The following PCDH7 variants were observed in gnomAD, a reference collection of about 807,000 sequenced individuals.
PCDH7 encodes protocadherin-7.
A neutral mutation model predicts 58.9 loss-of-function variants in PCDH7; 17 were observed. The observed-to-expected ratio is 0.29, with a 90% confidence interval of 0.20 to 0.43. The LOEUF is 0.43. Ranked by LOEUF, PCDH7 falls within the 20% of genes least tolerant of loss-of-function variation. PCDH7 has a pLI of 1.00. For missense variants in PCDH7, 1,274 were observed against 1,441.0 expected (o/e 0.88, Z 1.88); for synonymous variants, 664 against 616.4 (o/e 1.08, Z -1.14).
chr4:30,759,229 A>C (rs532241999), intron 1 of PCDH7, among the ~76,000 whole-genome samples: 25 of 152,266 alleles, frequency 1.6e-4, no homozygotes, highest in African/African-American at 5.5e-4. Flanking sequence ...GGTGTGAGCC[A>C]CTGCGCCTGG....
chr4:30,877,833 T>C (rs572815885), intron 1 of PCDH7, among the ~76,000 whole-genome samples: 129 of 152,300 alleles, frequency 8.5e-4, no homozygotes, highest in Non-Finnish European at 1.4e-3. Flanking sequence ...CCAATTCTTA[T>C]CTGGATATGG....
chr4:30,923,502 A>G (rs909267084), intron 2 of PCDH7, among the ~76,000 whole-genome samples: 4 of 152,170 alleles, frequency 2.6e-5, no homozygotes, highest in Non-Finnish European at 4.4e-5. Flanking sequence ...TCTAAAACAC[A>G]TTACCGCCAA....
At chr4:31,074,365 T>C (rs894194465) in intron 3 of PCDH7, among the ~76,000 whole-genome samples, 6 of 151,926 alleles carry the variant, frequency 3.9e-5, no homozygotes, top group African/African-American at 1.5e-4. Flanking sequence ...AGCATTATTA[T>C]ATACTTATAT....
At chr4:30,952,979 A>T (rs938129179) in intron 3 of PCDH7, among the ~76,000 whole-genome samples, 1 of 152,164 alleles carries the variant, frequency 6.6e-6, no homozygotes, top group Non-Finnish European at 1.5e-5. Context: ...GTATCACCTT[A>T]TATCTGTTTT....
At chr4:30,831,358 C>A (rs1023745914) in intron 1 of PCDH7, among the ~76,000 whole-genome samples, 2 of 152,080 alleles carry the variant, frequency 1.3e-5, no homozygotes, top group African/African-American at 4.8e-5. Context: ...GAATTGGGTT[C>A]AATTCATAGT....
chr4:30,974,689 A>C (rs1286765334), intron 3 of PCDH7, among the ~76,000 whole-genome samples: 4 of 152,170 alleles, frequency 2.6e-5, no homozygotes, highest in Non-Finnish European at 5.9e-5. Context: ...CTCCTTTGGA[A>C]AGGATATCCC....
At chr4:31,127,603 T>G (rs540249899) in intron 3 of PCDH7, among the ~76,000 whole-genome samples, 1 of 152,272 alleles carries the variant, frequency 6.6e-6, no homozygotes, top group East Asian at 1.9e-4. Flanking sequence ...TCTAGAAAAT[T>G]GAAATCTAGG....
intron 1 of PCDH7, among the ~76,000 whole-genome samples, chr4:30,790,392 T>C (rs1205492484): frequency 6.6e-6 from 1 of 152,194 alleles, no homozygotes; most frequent in Non-Finnish European, 1.5e-5. Context: ...AACTGGACTT[T>C]GAGTCCAGAG....
At chr4:30,792,927 TA>T (rs1314655585) in intron 1 of PCDH7, among the ~76,000 whole-genome samples, 1 of 152,242 alleles carries the variant, frequency 6.6e-6, no homozygotes, top group Non-Finnish European at 1.5e-5. Context: ...GGTTAACTTT[TA>T]AAAAACCCTG....
In PCDH7 at chr4:31,012,372, G is replaced by A. The variant is rs555275548; in HGVS notation, c.*7+62157G>A. Reference sequence around the variant, plus strand: ...ATTTATCCTCTGACTACTAAATATAGAAGATGTCTCAATTTTCATTACAAA... The same window carrying A: ...ATTTATCCTCTGACTACTAAATATAAAAGATGTCTCAATTTTCATTACAAA... On this transcript the variant is annotated intron_variant, in intron 3 of 3. Coordinates refer to the PCDH7 transcript ENST00000509759. Among the ~76,000 whole-genome samples, 25 of 139,258 alleles carry A rather than the reference G, an allele frequency of 1.8e-4. 2 individuals carry two copies. In the South Asian group the frequency reaches 6.7e-3, roughly 37 times the overall value. 91.4% of individuals were successfully genotyped at this position (139,258 alleles called of 152,430 possible). A position where few individuals can be genotyped will look rare whatever the true frequency, so the allele number is the denominator to read the frequency against.
intron 2 of PCDH7, among the ~76,000 whole-genome samples, chr4:30,920,622 G>C (rs959775063): frequency 6.6e-6 from 1 of 151,956 alleles, no homozygotes; most frequent in African/African-American, 2.4e-5. Flanking sequence ...AATCAGAACA[G>C]GGCCCACTAT....
At chr4:30,923,716 G>A (rs1743474527) in intron 2 of PCDH7, among the ~76,000 whole-genome samples, 1 of 151,998 alleles carries the variant, frequency 6.6e-6, no homozygotes, top group Non-Finnish European at 1.5e-5. Flanking sequence ...AACCTTATTA[G>A]TTATACATTT....
chr4:30,999,214 T>A (rs1752150237), intron 3 of PCDH7, among the ~76,000 whole-genome samples: 1 of 152,120 alleles, frequency 6.6e-6, no homozygotes, highest in Admixed American at 6.6e-5. Flanking sequence ...GAGACCCAGG[T>A]GTTTTGTTAG....
intron 3 of PCDH7, among the ~76,000 whole-genome samples, chr4:30,991,882 T>A (rs1459889990): frequency 6.6e-6 from 1 of 152,202 alleles, no homozygotes; most frequent in African/African-American, 2.4e-5. Flanking sequence ...ACACACAAGT[T>A]TTCTTTATTA....
At chr4:30,942,006 C>T (rs565937519) in intron 2 of PCDH7, among the ~76,000 whole-genome samples, 3 of 151,772 alleles carry the variant, frequency 2.0e-5, no homozygotes, top group African/African-American at 7.2e-5. Context: ...AGGTGGAGGC[C>T]TGTATTTATT....
At chr4:31,105,025 T>C (rs1715371264) in intron 3 of PCDH7, among the ~76,000 whole-genome samples, 1 of 152,180 alleles carries the variant, frequency 6.6e-6, no homozygotes, top group Non-Finnish European at 1.5e-5. Flanking sequence ...TTGAACTTAA[T>C]AAAATGGAAA....
chr4:30,864,555 T>A (rs1464555172), intron 1 of PCDH7, among the ~76,000 whole-genome samples: 1 of 152,008 alleles, frequency 6.6e-6, no homozygotes, highest in African/African-American at 2.4e-5. Flanking sequence ...TGGTAGGATA[T>A]AGATGATATA....
intron 1 of PCDH7, among the ~76,000 whole-genome samples, chr4:30,798,369 T>C (rs1272117478): frequency 6.6e-6 from 1 of 152,206 alleles, no homozygotes; most frequent in Non-Finnish European, 1.5e-5. Flanking sequence ...GTATCTCCAT[T>C]AGACTTAAAA....
intron 3 of PCDH7, among the ~76,000 whole-genome samples, chr4:31,073,929 T>C (rs760972583): frequency 2.0e-4 from 30 of 152,118 alleles, no homozygotes; most frequent in Admixed American, 3.3e-4. Flanking sequence ...TTGTCTCCTA[T>C]TATTCTCTCC....
Sources: gnomAD v4.1 joint callset for allele counts (sites outside exome capture counted in the v4.1 genomes callset) on GRCh38, gnomAD v4.1.1 for gene constraint, MANE v1.5 for transcripts, NCBI Gene and HGNC (gene_info 2026-07-23, HGNC 2026-07-21) for gene names.